CNTN5: variants seen among roughly 807,000 people sequenced by gnomAD.
CNTN5 encodes the protein contactin 5.
In CNTN5, 77 loss-of-function variants were observed where a neutral mutation model predicts 129.1. The ratio of observed to expected loss-of-function variants is 0.60; its 90% CI spans 0.50 to 0.72. The LOEUF (loss-of-function observed/expected upper bound fraction) is 0.72, where lower values mean the gene tolerates loss of function less well. Among genes scored for constraint, CNTN5 ranks in the 30% least tolerant of loss-of-function variants. The pLI is 0.00. For synonymous variants in CNTN5, 509 were observed against 465.6 expected (o/e 1.09, Z -1.20); for missense variants, 1,478 against 1,328.8 (o/e 1.11, Z -1.75).
intron 10 of CNTN5, among the ~76,000 whole-genome samples, chr11:100,065,794 T>C (rs1943671697): frequency 6.6e-6 from 1 of 152,128 alleles, no homozygotes; most frequent in South Asian, 2.1e-4. Context: ...GTTAACATTT[T>C]ATTAATGTTA....
intron 13 of CNTN5, among the ~76,000 whole-genome samples, chr11:100,176,851 GGTGTGT>G (rs3031275): frequency 0.033 from 4,984 of 150,268 alleles, 276 homozygotes; most frequent in African/African-American, 0.11. Flanking sequence ...CATATAGTAT[GGTGTGT>G]GTGTGTGTGT....
intron 13 of CNTN5, among the ~76,000 whole-genome samples, chr11:100,168,157 A>G (rs1947703040): frequency 6.6e-6 from 1 of 152,034 alleles, no homozygotes; most frequent in Admixed American, 6.6e-5. Context: ...AATCATCTCC[A>G]TAACATAAAA....
At chr11:99,112,340 G>A (rs372153954) in intron 1 of CNTN5, among the ~76,000 whole-genome samples, 4 of 151,940 alleles carry the variant, frequency 2.6e-5, no homozygotes, top group African/African-American at 7.2e-5. Flanking sequence ...AGAAGGTTAT[G>A]TCATAATCTG....
chr11:100,008,147 T>C (rs1345810439), intron 9 of CNTN5, among the ~76,000 whole-genome samples: 3 of 152,068 alleles, frequency 2.0e-5, no homozygotes, highest in Non-Finnish European at 4.4e-5. Flanking sequence ...GAAAGATGAC[T>C]AATCACAGAT....
rs186594416 is a variant in CNTN5, at chr11:99,284,271, G to A, written c.-209-41075G>A. ...CATAATGGAATTTAAACACACACACGTACACACATGCACACAAATGCACAC... is the reference window on the plus strand; with the variant it reads ...CATAATGGAATTTAAACACACACACATACACACATGCACACAAATGCACAC... On this transcript the variant is annotated intron_variant, in intron 1 of 24. Transcript: ENST00000524871. 2.7e-3 allele frequency among the ~76,000 whole-genome samples: 409 copies of A among 151,954 alleles called. 7 individuals are homozygous for A. The highest frequency in any genetic ancestry group is 1.6e-3 in the Non-Finnish European group (106 of 67,910).
chr11:100,085,171 G>A (rs1259091083), intron 13 of CNTN5, among the ~76,000 whole-genome samples: 2 of 151,968 alleles, frequency 1.3e-5, no homozygotes, highest in Non-Finnish European at 1.5e-5. Flanking sequence ...GCTAACTTCC[G>A]GTCTTTTTTT....
chr11:99,447,310 G>C (rs2726400), intron 2 of CNTN5, among the ~76,000 whole-genome samples: 80,056 of 151,926 alleles, frequency 0.53, 21,515 homozygotes, highest in East Asian at 0.65. Flanking sequence ...TTAATGTTTT[G>C]TTTTAGGCAC....
chr11:99,571,325 T>C (rs1949167910), intron 3 of CNTN5, among the ~76,000 whole-genome samples: 1 of 152,226 alleles, frequency 6.6e-6, no homozygotes, highest in South Asian at 2.1e-4. Flanking sequence ...AATCTTCAGC[T>C]GTATCAATAA....
At chr11:100,027,425 C>A (rs1189307286) in intron 9 of CNTN5, among the ~76,000 whole-genome samples, 1 of 152,162 alleles carries the variant, frequency 6.6e-6, no homozygotes, top group Non-Finnish European at 1.5e-5. Context: ...TAAGACCTTT[C>A]TTAGTACTCG....
chr11:99,571,252 G>A (rs1377664664), intron 3 of CNTN5, among the ~76,000 whole-genome samples: 1 of 152,142 alleles, frequency 6.6e-6, no homozygotes, highest in African/African-American at 2.4e-5. Flanking sequence ...GTTTTCAATG[G>A]CTATTTGTTA....
At chr11:100,034,592 G>A (rs952000619) in intron 9 of CNTN5, among the ~76,000 whole-genome samples, 35 of 152,084 alleles carry the variant, frequency 2.3e-4, no homozygotes, top group Non-Finnish European at 7.3e-5. Context: ...TACAAACTGT[G>A]CACCATGGAC....
At chr11:99,996,999 C>T (rs868298050) in intron 8 of CNTN5, among the ~76,000 whole-genome samples, 8 of 152,056 alleles carry the variant, frequency 5.3e-5, no homozygotes, top group South Asian at 2.1e-4. Flanking sequence ...CATTCTACCC[C>T]GACCCCTCCC....
intron 2 of CNTN5, among the ~76,000 whole-genome samples, chr11:99,336,818 A>T (rs911230775): frequency 6.6e-6 from 1 of 151,038 alleles, no homozygotes; most frequent in Non-Finnish European, 1.5e-5. Flanking sequence ...ACAGAGTGAG[A>T]CTCTGTCTCA....
intron 13 of CNTN5, among the ~76,000 whole-genome samples, chr11:100,105,008 C>A (rs1442262406): frequency 6.6e-6 from 1 of 152,172 alleles, no homozygotes; most frequent in Admixed American, 6.6e-5. Context: ...ACTGCAATAA[C>A]TCTATGATAA....
At chr11:99,346,863 T>C (rs1048393553) in intron 2 of CNTN5, among the ~76,000 whole-genome samples, 1 of 152,098 alleles carries the variant, frequency 6.6e-6, no homozygotes, top group Admixed American at 6.6e-5. Flanking sequence ...AAGGAAACCG[T>C]TACCAGATAC....
chr11:99,623,546 C>A (rs1417547172), intron 3 of CNTN5, among the ~76,000 whole-genome samples: 1 of 151,942 alleles, frequency 6.6e-6, no homozygotes, highest in Non-Finnish European at 1.5e-5. Context: ...ACTTACATAA[C>A]CTCTCCACAG....
rs1049512133 is a variant in CNTN5, at chr11:99,945,633, A to G, written c.674-11173A>G. On this transcript the variant is annotated intron_variant, in intron 7 of 24. Coordinates refer to ENST00000524871, the MANE Select transcript of CNTN5 (RefSeq NM_014361.4). ...CACAAAATCCTACCCGCTCAGTGTT[A>G]TTATCATTTCATAGATGAAGAAACA... is the stretch of plus-strand genomic sequence containing the variant. Among the ~76,000 whole-genome samples, 13 of 151,992 alleles carry G rather than the reference A, an allele frequency of 8.6e-5. No homozygotes were observed. The South Asian group carries it at 2.1e-3, about 24-fold the overall frequency.
At chr11:99,822,460 C>T (rs1173158370) in intron 4 of CNTN5, among the ~76,000 whole-genome samples, 1 of 151,970 alleles carries the variant, frequency 6.6e-6, no homozygotes, top group Non-Finnish European at 1.5e-5. Flanking sequence ...AGAGAGTGAA[C>T]ATGGTAAGTT....
At chr11:99,087,087 T>C (rs1460576012) in intron 1 of CNTN5, among the ~76,000 whole-genome samples, 4 of 152,166 alleles carry the variant, frequency 2.6e-5, no homozygotes, top group Admixed American at 2.6e-4. Flanking sequence ...CTTACTGTAC[T>C]AGGGAAACAG....
Sources: gnomAD v4.1 joint callset for allele counts (sites outside exome capture counted in the v4.1 genomes callset) on GRCh38, gnomAD v4.1.1 for gene constraint, MANE v1.5 for transcripts, NCBI Gene and HGNC (gene_info 2026-07-23, HGNC 2026-07-21) for gene names.